The following ATP10A variants were observed in gnomAD, a reference collection of about 807,000 sequenced individuals.
ATP10A encodes phospholipid-transporting ATPase VA.
In ATP10A, 111 loss-of-function variants were observed where a neutral mutation model predicts 147.8. That is an observed-to-expected ratio of 0.75 (90% CI 0.64 to 0.88). ATP10A has a LOEUF of 0.88. Ranked by LOEUF, ATP10A falls within the 40% of genes least tolerant of loss-of-function variation. The probability of loss-of-function intolerance (pLI) is 0.00; values close to 1 mark genes in which losing one functional copy is unlikely to be tolerated. For missense variants in ATP10A, 1,927 were observed against 1,959.0 expected (o/e 0.98, Z 0.31); for synonymous variants, 875 against 841.6 (o/e 1.04, Z -0.69).
In ATP10A at chr15:25,713,791, C is replaced by G; in HGVS notation, c.2227G>C (p.Asp743His). The G allele has an allele frequency of 6.2e-7, 1 of 1,614,128 alleles. No homozygotes were observed. The highest frequency in any genetic ancestry group is 8.5e-7 in the Non-Finnish European group (1 of 1,180,040). ...TFELLHTLGF[D>H]SVRKRMSVVI... ...ACTGACATCCTCTTGCGGACGGAATCGAAACCCAGTGTGTGCAGGAGCTCG... is the reference window on the plus strand; with the variant it reads ...ACTGACATCCTCTTGCGGACGGAATGGAAACCCAGTGTGTGCAGGAGCTCG... The change falls in exon 10 of 21, where the codon GAT (aspartate) becomes CAT (histidine). Residue 743 changes from aspartate (D) to histidine (H), a missense_variant. Asp to His is a moderately conservative substitution (Grantham distance 81). Transcript: ENST00000555815.
intron 1 of ATP10A, among the ~76,000 whole-genome samples, chr15:25,793,714 C>A (rs2140754444): frequency 6.6e-6 from 1 of 152,348 alleles, no homozygotes; most frequent in Non-Finnish European, 1.5e-5. Context: ...GGTGAAGTGG[C>A]CTCCCAAGAG....
chr15:25,779,649 G>C (rs1415319940), intron 2 of ATP10A, among the ~76,000 whole-genome samples: 1 of 152,178 alleles, frequency 6.6e-6, no homozygotes, highest in Non-Finnish European at 1.5e-5. Flanking sequence ...CTGGAGCACA[G>C]TCATGGAGAA....
chr15:25,825,201 C>T (rs951416654), intron 1 of ATP10A, among the ~76,000 whole-genome samples: 2 of 152,176 alleles, frequency 1.3e-5, no homozygotes, highest in East Asian at 3.9e-4. Flanking sequence ...TTAGGAAAAG[C>T]GTTTTCACTT....
chr15:25,716,918 C>G lies in ATP10A; in HGVS notation c.1588G>C (p.Asp530His). The change falls in exon 9 of 21, where the codon GAT (aspartate) becomes CAT (histidine). Residue 530 changes from aspartate to histidine, a missense_variant. By Grantham distance (81) the Asp-to-His change is moderately conservative. Transcript: ENST00000555815. ...HTAFSSPMEK[D>H]ITPDPKLLEK... ...AGCAGCTTTGGGTCGGGCGTGATAT[C>G]CTTCTCCTGGGAGAAAGGGAGGCTG... The G allele has an allele frequency of 1.3e-6, 2 of 1,566,984 alleles. No homozygotes were observed. The highest frequency in any genetic ancestry group is 2.4e-5 in the South Asian group (2 of 84,640).
intron 1 of ATP10A, among the ~76,000 whole-genome samples, chr15:25,786,767 A>G (rs1223716043): frequency 1.4e-5 from 2 of 146,946 alleles, no homozygotes; most frequent in African/African-American, 2.5e-5. Flanking sequence ...CTGGGACTAC[A>G]GGCGCCCACC....
rs1231534275 is a variant in ATP10A, at chr15:25,683,378, G to A, written c.3400C>T (p.Pro1134Ser). The A allele has an allele frequency of 2.5e-6, 4 of 1,614,022 alleles. No homozygotes were observed. Among genetic ancestry groups the A allele is most frequent in the Non-Finnish European group, 3.4e-6 (4 of 1,180,014 alleles). ...TCCAGCACCCCAGTCACGAGCGGGG[G>A]AAGTGACGAGAAGAGCAGATTAAAG... ...IFFNLLFSSL[P>S]PLVTGVLDRD... The change falls in exon 17 of 21, where the codon CCC becomes TCC. Residue 1134 changes from proline to serine, a missense_variant. Pro to Ser is a moderately conservative substitution (Grantham distance 74, BLOSUM62 -1). Coordinates refer to ENST00000555815, the MANE Select transcript of ATP10A (RefSeq NM_024490.4).
At chr15:25,750,901 G>T (rs1337803565) in intron 2 of ATP10A, among the ~76,000 whole-genome samples, 2 of 151,752 alleles carry the variant, frequency 1.3e-5, no homozygotes, top group Non-Finnish European at 2.9e-5. Context: ...TATAGCTAAT[G>T]GGAGAAAAAA....
intron 16 of ATP10A, among the ~76,000 whole-genome samples, chr15:25,685,515 C>A (rs780758032): frequency 6.6e-6 from 1 of 152,156 alleles, no homozygotes; most frequent in African/African-American, 2.4e-5. Flanking sequence ...GCTCAACTCA[C>A]AGGCTTTGCT....
chr15:25,729,583 C>T (rs151106756), intron 3 of ATP10A, among the ~76,000 whole-genome samples: 1 of 152,264 alleles, frequency 6.6e-6, no homozygotes, highest in African/African-American at 2.4e-5. Flanking sequence ...CTCCTCATTG[C>T]TCCAGCTTGA....
chr15:25,708,463 G>A, intron 10 of ATP10A, 163 bp from the exon 11 acceptor site: 1 of 461,044 alleles, frequency 2.2e-6, no homozygotes, highest in African/African-American at 5.6e-5. Context: ...TTAAAAAAGA[G>A]TCTCATCAAT....
At chr15:25,822,657 T>C (rs1891938030) in intron 1 of ATP10A, among the ~76,000 whole-genome samples, 1 of 152,164 alleles carries the variant, frequency 6.6e-6, no homozygotes, top group Admixed American at 6.6e-5. Context: ...ACAAACCTAG[T>C]CACATACCCT....
downstream of ATP10A, among the ~76,000 whole-genome samples, chr15:25,676,011 G>T (rs530387383): frequency 6.6e-6 from 1 of 152,170 alleles, no homozygotes; most frequent in African/African-American, 2.4e-5. Flanking sequence ...GGACCAAAAA[G>T]CTGGTGGTGA....
At position 25,817,407 on chromosome 15, in the gene ATP10A, A is replaced by G. The variant is rs139276789; in HGVS notation, c.450-36184T>C. ...CTCTCTCTCTAACAATGTGGTTTGTATCCAACTAGAAGGTGAGGTTCTTAT... is the reference window on the plus strand; with the variant it reads ...CTCTCTCTCTAACAATGTGGTTTGTGTCCAACTAGAAGGTGAGGTTCTTAT... On this transcript the variant is annotated intron_variant, in intron 1 of 20. Coordinates refer to ENST00000555815, the MANE Select transcript of ATP10A (RefSeq NM_024490.4). Among the ~76,000 whole-genome samples, 483 of 152,290 alleles carry G rather than the reference A, an allele frequency of 3.2e-3. 7 individuals carry two copies. Among genetic ancestry groups the G allele is most frequent in the African/African-American group, 0.011 (455 of 41,518 alleles).
Position 25,714,185 on chromosome 15 carries a change from C to T in ATP10A, c.1833G>A (p.Arg611=). ...SPVKTIEDFL[R]RFTPSCLTSG... ...AGGTCAGGCAGCTGGGTGTGAACCT[C>T]CGCAGGAAGTCTTCTATCGTCTTCA... Residue 611 remains arginine, a synonymous_variant, in exon 10 of 21, where the codon CGG becomes CGA. Coordinates refer to ENST00000555815, the MANE Select transcript of ATP10A (RefSeq NM_024490.4). The T allele has an allele frequency of 6.2e-7, 1 of 1,606,780 alleles. No homozygotes were observed. The highest frequency in any genetic ancestry group is 8.5e-7 in the Non-Finnish European group (1 of 1,179,994).
At chr15:25,751,933 T>C (rs957166716) in intron 2 of ATP10A, among the ~76,000 whole-genome samples, 1 of 152,074 alleles carries the variant, frequency 6.6e-6, no homozygotes, top group East Asian at 1.9e-4. Context: ...CACTAGTCAT[T>C]AGGAAAATGC....
chr15:25,788,193 T>C (rs140202128), intron 1 of ATP10A, among the ~76,000 whole-genome samples: 6 of 152,316 alleles, frequency 3.9e-5, no homozygotes, highest in African/African-American at 1.4e-4. Context: ...GGAGCAGCAC[T>C]AAACAGCTGG....
intron 2 of ATP10A, among the ~76,000 whole-genome samples, chr15:25,750,646 C>A (rs1246311740): frequency 6.6e-6 from 1 of 151,892 alleles, no homozygotes; most frequent in African/African-American, 2.4e-5. Context: ...TTACATAAAT[C>A]TCTGTAATAT....
chr15:25,851,375 A>T (rs1444620), intron 1 of ATP10A, among the ~76,000 whole-genome samples: 2,694 of 150,918 alleles, frequency 0.018, 79 homozygotes, highest in East Asian at 0.14. Flanking sequence ...TTTTTTTTTT[A>T]ATTATTATTG....
chr15:25,672,273 G>C (rs1167470658), downstream of ATP10A, among the ~76,000 whole-genome samples: 3 of 152,272 alleles, frequency 2.0e-5, no homozygotes, highest in East Asian at 5.8e-4. Context: ...CCTTCACTCA[G>C]TTTCCTGTCC....
Sources: allele counts gnomAD v4.1 joint callset (sites outside exome capture counted in the v4.1 genomes callset), GRCh38; gene constraint gnomAD v4.1.1; transcripts MANE v1.5; gene names NCBI Gene and HGNC (gene_info 2026-07-23, HGNC 2026-07-21).